Variants in MACROD2 observed in about 807,000 individuals in gnomAD.
MACROD2 encodes the protein mono-ADP ribosylhydrolase 2, also known as ADP-ribose glycohydrolase MACROD2.
A neutral mutation model predicts 70.4 loss-of-function variants in MACROD2; 36 were observed. The ratio of observed to expected loss-of-function variants is 0.51; its 90% CI spans 0.39 to 0.68. The LOEUF is 0.68. Among genes scored for constraint, MACROD2 ranks in the 30% least tolerant of loss-of-function variants. The pLI, the probability that MACROD2 is intolerant of heterozygous loss-of-function variation, is 0.00. For synonymous variants in MACROD2, 172 were observed against 178.8 expected, an observed-to-expected ratio of 0.96 and a Z score of 0.30; for missense variants, 496 against 538.4, an observed-to-expected ratio of 0.92 and a Z score of 0.78.
At chr20:15,753,971 A>AATC (rs1358052524) in intron 8 of MACROD2, among the ~76,000 whole-genome samples, 1 of 152,192 alleles carries the variant, frequency 6.6e-6, no homozygotes, top group Non-Finnish European at 1.5e-5. Flanking sequence ...ACAAATCTAT[A>AATC]ATCATCACAA....
chr20:15,010,377 A>G (rs993605747), intron 5 of MACROD2, among the ~76,000 whole-genome samples: 1 of 152,202 alleles, frequency 6.6e-6, no homozygotes, highest in African/African-American at 2.4e-5. Flanking sequence ...AGAGCAGTAG[A>G]AAGCACCTAA....
intron 4 of MACROD2, chr20:14,547,437 C>A: frequency 4.7e-6 from 1 of 214,490 alleles, no homozygotes; most frequent in Non-Finnish European, 1.1e-5. Context: ...AAGGCTTATT[C>A]TTTGAGCTGT....
chr20:14,468,395 C>T lies in MACROD2; in HGVS notation c.272-25084C>T, dbSNP rs542824162. Among the ~76,000 whole-genome samples the T allele has an allele frequency of 1.6e-4, 24 of 147,808 alleles. No homozygotes were observed. In the South Asian group the frequency reaches 2.1e-3, roughly 13 times the overall value. On this transcript the variant is annotated intron_variant, in intron 3 of 17. Coordinates refer to ENST00000684519, the MANE Select transcript of MACROD2 (RefSeq NM_001351661.2). Reference sequence around the variant, plus strand: ...TTCTTTTTATTTTCTGATCTTTCTTCGTTTAAAGTCTGTTTTATCAGAGAC... The same window carrying T: ...TTCTTTTTATTTTCTGATCTTTCTTTGTTTAAAGTCTGTTTTATCAGAGAC...
intron 6 of MACROD2, among the ~76,000 whole-genome samples, chr20:15,421,982 A>G (rs2046234597): frequency 6.6e-6 from 1 of 152,252 alleles, no homozygotes; most frequent in Non-Finnish European, 1.5e-5. Context: ...ACCAGGGAGT[A>G]TTTGGGAAAT....
rs550565753 is a variant in MACROD2, at chr20:14,879,131, C to T, written c.418+194172C>T. Among the ~76,000 whole-genome samples, 54 of 152,156 alleles carry T rather than the reference C, an allele frequency of 3.5e-4. 1 individual carries two copies. Among genetic ancestry groups the T allele is most frequent in the African/African-American group, 1.1e-3 (44 of 41,514 alleles). ...TTTTTATCTTCACCCTTATGCATTG[C>T]GTAATTAAAACCTTGTACACAGTAC... is the stretch of plus-strand genomic sequence containing the variant. On this transcript the variant is annotated intron_variant, in intron 5 of 17. Transcript: ENST00000684519.
At chr20:14,601,203 C>T (rs913867440) in intron 4 of MACROD2, among the ~76,000 whole-genome samples, 3 of 152,122 alleles carry the variant, frequency 2.0e-5, no homozygotes, top group East Asian at 1.9e-4. Flanking sequence ...TTCTGGCACC[C>T]GGGACCGGTT....
chr20:15,447,629 C>T (rs1291915067), intron 7 of MACROD2, among the ~76,000 whole-genome samples: 2 of 152,180 alleles, frequency 1.3e-5, no homozygotes, highest in Non-Finnish European at 2.9e-5. Flanking sequence ...GGAGTGAAGT[C>T]CAGTGTCCAA....
chr20:15,083,517 G>A (rs2075720926), intron 5 of MACROD2, among the ~76,000 whole-genome samples: 1 of 152,072 alleles, frequency 6.6e-6, no homozygotes, highest in Non-Finnish European at 1.5e-5. Flanking sequence ...TCAACTAGCA[G>A]TTTGTACTCT....
intron 3 of MACROD2, among the ~76,000 whole-genome samples, chr20:14,405,141 T>G (rs540316860): frequency 1.3e-5 from 2 of 152,126 alleles, no homozygotes; most frequent in Non-Finnish European, 2.9e-5. Flanking sequence ...AAGACCATGT[T>G]GAGACTTTTG....
At chr20:14,470,516 C>T (rs1392174925) in intron 3 of MACROD2, among the ~76,000 whole-genome samples, 8 of 152,130 alleles carry the variant, frequency 5.3e-5, no homozygotes. Context: ...GCTGAAGCTG[C>T]GACCATAGCC....
At chr20:15,858,742 C>T (rs563718184) in intron 8 of MACROD2, among the ~76,000 whole-genome samples, 26 of 152,308 alleles carry the variant, frequency 1.7e-4, no homozygotes, top group South Asian at 1.2e-3. Context: ...TATTGTCTCT[C>T]TGCTTCCTCA....
rs74316598 is a variant in MACROD2, at chr20:14,746,358, T to C, written c.418+61399T>C. Among the ~76,000 whole-genome samples the C allele has an allele frequency of 7.4e-3, 1,127 of 152,300 alleles. 69 individuals carry two copies. In the East Asian group the frequency reaches 0.16, roughly 21 times the overall value. ...AAATCAAAATGGGATTTAATATCAC[T>C]TGTTATTAAAATACATTTCTGGTGC... On this transcript the variant is annotated intron_variant, in intron 5 of 17. Coordinates refer to ENST00000684519, the MANE Select transcript of MACROD2 (RefSeq NM_001351661.2).
intron 8 of MACROD2, among the ~76,000 whole-genome samples, chr20:15,519,496 A>G (rs1275404462): frequency 6.6e-6 from 1 of 152,132 alleles, no homozygotes; most frequent in Non-Finnish European, 1.5e-5. Context: ...CCATTTTTTA[A>G]TGAGTGTGAG....
chr20:15,118,009 A>T (rs1387376267), intron 5 of MACROD2, among the ~76,000 whole-genome samples: 1 of 152,076 alleles, frequency 6.6e-6, no homozygotes, highest in East Asian at 1.9e-4. Context: ...GCTCTGAAAG[A>T]TATGCCAACT....
chr20:14,280,331 T>C (rs925241688), intron 3 of MACROD2, among the ~76,000 whole-genome samples: 2 of 152,224 alleles, frequency 1.3e-5, no homozygotes, highest in Non-Finnish European at 2.9e-5. Flanking sequence ...ATGATTTTAA[T>C]ATCTTTTGGA....
chr20:14,032,774 A>G (rs568583864), intron 2 of MACROD2, among the ~76,000 whole-genome samples: 1 of 152,310 alleles, frequency 6.6e-6, no homozygotes, highest in South Asian at 2.1e-4. Context: ...TTCTTTGGGA[A>G]TATGCCTAAT....
chr20:15,481,728 TGTA>T (rs1161142004), intron 7 of MACROD2, among the ~76,000 whole-genome samples: 1 of 151,970 alleles, frequency 6.6e-6, no homozygotes, highest in Non-Finnish European at 1.5e-5. Flanking sequence ...TACAAATGTC[TGTA>T]GTTTAATTTG....
intron 6 of MACROD2, among the ~76,000 whole-genome samples, chr20:15,401,042 C>CTT (rs11337547): frequency 6.9e-6 from 1 of 145,034 alleles, no homozygotes; most frequent in East Asian, 2.0e-4. Flanking sequence ...GCAGCTTGTT[C>CTT]TTTTTTTTTT....
chr20:14,502,869 C>A (rs2084929256), intron 4 of MACROD2, among the ~76,000 whole-genome samples: 1 of 152,182 alleles, frequency 6.6e-6, no homozygotes, highest in African/African-American at 2.4e-5. Context: ...GAGGAATATT[C>A]TAACAGTAGT....
Sources: allele counts gnomAD v4.1 joint callset (sites outside exome capture counted in the v4.1 genomes callset), GRCh38; gene constraint gnomAD v4.1.1; transcripts MANE v1.5; gene names NCBI Gene and HGNC (gene_info 2026-07-23, HGNC 2026-07-21).